The following GFPT1 variants were observed in gnomAD, a reference collection of about 807,000 sequenced individuals.
GFPT1 encodes glutamine--fructose-6-phosphate transaminase 1, also known as glutamine--fructose-6-phosphate aminotransferase [isomerizing] 1.
Under a neutral mutation model 92.0 loss-of-function variants are expected in GFPT1, and 40 were observed. The ratio of observed to expected loss-of-function variants is 0.43; its 90% CI spans 0.34 to 0.57. The LOEUF (loss-of-function observed/expected upper bound fraction) is 0.57. Among genes scored for constraint, GFPT1 ranks in the 20% least tolerant of loss-of-function variants. The pLI, the probability that GFPT1 is intolerant of heterozygous loss-of-function variation, is 0.02. For synonymous variants in GFPT1, 269 were observed against 280.6 expected, an observed-to-expected ratio of 0.96 and a Z score of 0.41; for missense variants, 448 against 869.1, an observed-to-expected ratio of 0.52 and a Z score of 6.09.
chr2:69,354,128 T>C, intron 9 of GFPT1, 131 bp downstream of exon 9: 1 of 543,002 alleles, frequency 1.8e-6, no homozygotes, highest in Non-Finnish European at 3.1e-6. Context: ...AATGTCAAAA[T>C]ATGCTTCCCC....
rs113723136 is a variant in GFPT1 at position 69,352,891 on chromosome 2, C to T, written c.739+1368G>A. Among the ~76,000 whole-genome samples the T allele has an allele frequency of 1.1e-3, 159 of 150,826 alleles. 2 individuals carry two copies. Among genetic ancestry groups the T allele is most frequent in the African/African-American group, 3.8e-3 (154 of 41,054 alleles). On this transcript the variant is annotated intron_variant, in intron 9 of 19. Transcript: ENST00000357308. ...CGAAACCCCGTCTCTACTAAAAATA[C>T]AAAAGTTAGCCGGGTGTGGTGGTGT... is the stretch of plus-strand genomic sequence containing the variant.
intron 15 of GFPT1, among the ~76,000 whole-genome samples, chr2:69,336,833 C>G (rs1357209371): frequency 6.6e-6 from 1 of 151,884 alleles, no homozygotes; most frequent in Non-Finnish European, 1.5e-5. Flanking sequence ...CCCAAAAAAA[C>G]ACTTGTGGAG....
intron 15 of GFPT1, among the ~76,000 whole-genome samples, chr2:69,333,063 A>G (rs1356356039): frequency 6.6e-6 from 1 of 152,138 alleles, no homozygotes; most frequent in African/African-American, 2.4e-5. Flanking sequence ...CCATAACACT[A>G]AAGTGAATTT....
intron 1 of GFPT1, among the ~76,000 whole-genome samples, chr2:69,386,490 A>C (rs72832191): frequency 1.3e-5 from 2 of 152,360 alleles, no homozygotes; most frequent in Non-Finnish European, 2.9e-5. Context: ...ATCAGGTCTA[A>C]GCCCATGAAC....
intron 1 of GFPT1, 121 bp downstream of exon 1, chr2:69,386,944 C>G (rs996255562): frequency 2.2e-5 from 18 of 815,098 alleles, no homozygotes; most frequent in South Asian, 1.6e-4. Context: ...GCCCCTTGCC[C>G]ATCACCCAGA....
At chr2:69,333,218 C>G (rs1289209364) in intron 15 of GFPT1, among the ~76,000 whole-genome samples, 1 of 152,184 alleles carries the variant, frequency 6.6e-6, no homozygotes, top group Non-Finnish European at 1.5e-5. Context: ...TCTTGGACCC[C>G]TGGAATACTT....
At chr2:69,334,092 G>A (rs1178535488) in intron 15 of GFPT1, among the ~76,000 whole-genome samples, 2 of 152,102 alleles carry the variant, frequency 1.3e-5, no homozygotes, top group African/African-American at 2.4e-5. Flanking sequence ...GAGGGCGGAA[G>A]TTACAGTGAG....
chr2:69,347,125 G>A (rs1671101749), intron 11 of GFPT1, among the ~76,000 whole-genome samples: 1 of 152,016 alleles, frequency 6.6e-6, no homozygotes, highest in East Asian at 1.9e-4. Flanking sequence ...TGCTGAGGCT[G>A]GTCTTGAACT....
intron 18 of GFPT1, among the ~76,000 whole-genome samples, chr2:69,327,574 T>A (rs917749783): frequency 6.6e-6 from 1 of 152,158 alleles, no homozygotes; most frequent in Admixed American, 6.5e-5. Context: ...TGGACTCAAG[T>A]GATCCTCCTG....
At chr2:69,366,284 A>G (rs1671609278) in intron 3 of GFPT1, among the ~76,000 whole-genome samples, 2 of 152,338 alleles carry the variant, frequency 1.3e-5, no homozygotes, top group South Asian at 4.1e-4. Flanking sequence ...CCGAATGTCT[A>G]GTAAGAAAAA....
chr2:69,356,396 G>C (rs1182150071), intron 7 of GFPT1, 100 bp downstream of exon 7: 2 of 847,826 alleles, frequency 2.4e-6, no homozygotes, highest in Admixed American at 1.7e-5. Flanking sequence ...CTAATAAAGG[G>C]CAGAGCCTTT....
intron 1 of GFPT1, among the ~76,000 whole-genome samples, chr2:69,385,835 G>GT (rs544845647): frequency 3.5e-4 from 53 of 150,922 alleles, no homozygotes; most frequent in African/African-American, 8.3e-4. Flanking sequence ...TTTTATGTGG[G>GT]TTTTTTTTTA....
intron 15 of GFPT1, among the ~76,000 whole-genome samples, chr2:69,332,457 G>GA (rs1293547890): frequency 6.6e-6 from 1 of 151,758 alleles, no homozygotes; most frequent in Non-Finnish European, 1.5e-5. Flanking sequence ...GGGATTACAG[G>GA]CGCCCGCCAC....
Position 69,354,287 on chromosome 2 carries a change from G to A in GFPT1, c.711C>T (p.Phe237=). 6.3e-7 allele frequency: 1 copy of A among 1,592,424 alleles called. No homozygotes were observed. The highest frequency in any genetic ancestry group is 8.5e-7 in the Non-Finnish European group (1 of 1,176,144). ...RTARTQIGSK[F]TRWGSQGERG... ...TTTCTCCCTGTGATCCCCACCGTGT[G>A]AATTTTGATCCAATCTGAGTCCTAG... Residue 237 remains phenylalanine, a synonymous_variant, in exon 9 of 20, where the codon TTC becomes TTT. Transcript: ENST00000357308.
Position 69,327,077 on chromosome 2 carries a change from T to A in GFPT1, c.1894-2A>T. Reference sequence around the variant, plus strand: ...ATCACAAATTACCACAGGCCGCCCCTAGGAAAGAAAATCACACACATACAC... The same window carrying A: ...ATCACAAATTACCACAGGCCGCCCCAAGGAAAGAAAATCACACACATACAC... On this transcript the variant is annotated splice_acceptor_variant, in intron 18 of 19. Transcript: ENST00000357308. LOFTEE classifies it high-confidence loss of function. 6.2e-7 allele frequency: 1 copy of A among 1,613,762 alleles called. No homozygotes were observed. Among genetic ancestry groups the A allele is most frequent in the Non-Finnish European group, 8.5e-7 (1 of 1,179,846 alleles).
Position 69,329,708 on chromosome 2 carries a change from T to C in GFPT1, c.1573A>G (p.Met525Val), listed in dbSNP as rs1670615578. 6.2e-6 allele frequency: 10 copies of C among 1,611,216 alleles called. No homozygotes were observed. The highest frequency in any genetic ancestry group is 1.3e-5 in the African/African-American group (1 of 74,966). ...ISMQERRKEI[M>V]LGLKRLPDLI... The stretch of plus-strand genomic sequence containing the variant: ...CCAGGCAGCCGTTTCAATCCAAGCA[T>C]GATCTCTTTGCGTCTTTCTTGCATG... Residue 525 changes from methionine to valine, a missense_variant, in exon 16 of 20, where the codon ATG (methionine) becomes GTG (valine). Transcript: ENST00000357308.
intron 2 of GFPT1, among the ~76,000 whole-genome samples, chr2:69,370,327 A>C (rs749230017): frequency 3.9e-5 from 6 of 152,222 alleles, no homozygotes; most frequent in Non-Finnish European, 7.3e-5. Context: ...CAAATTTCTA[A>C]GTCTATCGAG....
At chr2:69,377,207 C>CA (rs59023245) in intron 1 of GFPT1, among the ~76,000 whole-genome samples, 54,137 of 84,236 alleles carry the variant, frequency 0.64, 16,870 homozygotes, top group African/African-American at 0.75. Flanking sequence ...GACTCCGTCT[C>CA]AAAAAAAAAA....
At chr2:69,381,583 C>A (rs1443119350) in intron 1 of GFPT1, among the ~76,000 whole-genome samples, 1 of 149,624 alleles carries the variant, frequency 6.7e-6, no homozygotes, top group Admixed American at 6.6e-5. Context: ...AACAGTCCTG[C>A]TCTGTCACCC....
Sources: gnomAD v4.1 joint callset for allele counts (sites outside exome capture counted in the v4.1 genomes callset) on GRCh38, gnomAD v4.1.1 for gene constraint, MANE v1.5 for transcripts, NCBI Gene and HGNC (gene_info 2026-07-23, HGNC 2026-07-21) for gene names.